The following PRKAR1B variants were observed in gnomAD, a reference collection of about 807,000 sequenced individuals.
The protein encoded by PRKAR1B is protein kinase cAMP-dependent type I regulatory subunit beta, also known as cAMP-dependent protein kinase type I-beta regulatory subunit.
A neutral mutation model predicts 46.5 loss-of-function variants in PRKAR1B; 22 were observed. The ratio of observed to expected loss-of-function variants is 0.47; its 90% confidence interval spans 0.34 to 0.68. The LOEUF (loss-of-function observed/expected upper bound fraction) is 0.68. Among genes scored for constraint, PRKAR1B ranks in the 30% least tolerant of loss-of-function variants. The probability of loss-of-function intolerance (pLI) is 0.01; values close to 1 mark genes in which losing one functional copy is unlikely to be tolerated. For missense variants in PRKAR1B, 445 were observed against 535.6 expected (o/e 0.83, Z 1.67); for synonymous variants, 259 against 217.7 (o/e 1.19, Z -1.67).
At chr7:578,842 CG>C in intron 9 of PRKAR1B, 1 of 294,664 alleles carries the variant, frequency 3.4e-6, no homozygotes, top group Non-Finnish European at 6.2e-6. Context: ...CCACCACACC[CG>C]GCAAATTTTT....
At chr7:661,374 A>G (rs1377751966) in intron 4 of PRKAR1B, among the ~76,000 whole-genome samples, 1 of 50,798 alleles carries the variant, frequency 2.0e-5, no homozygotes, top group East Asian at 6.8e-4. Context: ...ACAGGTCCCC[A>G]CCCCAACAGA....
intron 4 of PRKAR1B, among the ~76,000 whole-genome samples, chr7:663,722 C>G (rs1785746601): frequency 1.3e-5 from 2 of 152,134 alleles, no homozygotes; most frequent in Non-Finnish European, 2.9e-5. Flanking sequence ...GTCAGATCCT[C>G]ACCTGGAACT....
chr7:575,937 C>T (rs1010964253), intron 9 of PRKAR1B, among the ~76,000 whole-genome samples: 1 of 152,118 alleles, frequency 6.6e-6, no homozygotes. Context: ...TGCTCACGGG[C>T]GAACATGACG....
chr7:700,954 G>A lies in PRKAR1B; in HGVS notation c.177+10375C>T, dbSNP rs892247278. ...TGTAATCCCAGCACTTTGGGAGGCCGAGGTGGATGGATCACCTCAGGTCAG... is the reference window on the plus strand; with the variant it reads ...TGTAATCCCAGCACTTTGGGAGGCCAAGGTGGATGGATCACCTCAGGTCAG... On this transcript the variant is annotated intron_variant, in intron 2 of 10. Transcript: ENST00000537384. Among the ~76,000 whole-genome samples the A allele has an allele frequency of 1.2e-4, 18 of 152,216 alleles. No individual in the cohort carries two copies. The East Asian group carries it at 2.7e-3, about 23-fold the overall frequency.
intron 8 of PRKAR1B, among the ~76,000 whole-genome samples, chr7:583,534 C>CACACG (rs1780384138): frequency 1.5e-5 from 2 of 132,896 alleles, no homozygotes; most frequent in Middle Eastern, 3.8e-3. Flanking sequence ...CACACACCCA[C>CACACG]TCACACACGT....
chr7:715,141 A>G (rs1780828404), intron 1 of PRKAR1B, among the ~76,000 whole-genome samples: 1 of 152,210 alleles, frequency 6.6e-6, no homozygotes. Flanking sequence ...ACTGCACTCC[A>G]GCCTGGGCAG....
chr7:691,413 G>A, intron 2 of PRKAR1B: 2 of 1,037,674 alleles, frequency 1.9e-6, no homozygotes, highest in Non-Finnish European at 2.7e-6. Flanking sequence ...TGGTCAGGAG[G>A]GGTGCAGGAG....
intron 2 of PRKAR1B, among the ~76,000 whole-genome samples, chr7:685,547 C>T (rs900061792): frequency 9.3e-5 from 14 of 151,116 alleles, no homozygotes; most frequent in Admixed American, 6.6e-5. Flanking sequence ...ACAGAGCCCA[C>T]AAGATTTTCA....
intron 2 of PRKAR1B, among the ~76,000 whole-genome samples, chr7:687,717 CA>C (rs1779166629): frequency 6.6e-6 from 1 of 152,188 alleles, no homozygotes; most frequent in Non-Finnish European, 1.5e-5. Flanking sequence ...AACAAGAACA[CA>C]AACTCCCACA....
chr7:693,790 C>T (rs1341533274), intron 2 of PRKAR1B, among the ~76,000 whole-genome samples: 1 of 152,162 alleles, frequency 6.6e-6, no homozygotes, highest in African/African-American at 2.4e-5. Context: ...GTCCTGTGGT[C>T]ACTGCATGTT....
intron 2 of PRKAR1B, among the ~76,000 whole-genome samples, chr7:690,253 G>A (rs2128515163): frequency 6.6e-6 from 1 of 151,706 alleles, no homozygotes; most frequent in African/African-American, 2.4e-5. Flanking sequence ...CTGAGATCAT[G>A]CTATTGCACT....
At chr7:597,522 C>A (rs183883969) in intron 6 of PRKAR1B, among the ~76,000 whole-genome samples, 25 of 152,336 alleles carry the variant, frequency 1.6e-4, no homozygotes, top group African/African-American at 6.0e-4. Context: ...CAGCTTCCCC[C>A]CAGTGATCCC....
chr7:716,125 G>A (rs1382658203), intron 1 of PRKAR1B, among the ~76,000 whole-genome samples: 1 of 151,748 alleles, frequency 6.6e-6, no homozygotes, highest in Non-Finnish European at 1.5e-5. Flanking sequence ...ATAGCTCACT[G>A]CAGCCTCAAA....
chr7:711,554 G>C (rs374086667), intron 1 of PRKAR1B, 27 bp from the exon 2 acceptor site: 1 of 1,597,520 alleles, frequency 6.3e-7, no homozygotes, highest in Non-Finnish European at 8.6e-7. Flanking sequence ...CAGATCCCCA[G>C]GCCTGAGAGC....
In PRKAR1B at chr7:596,313, A is replaced by G. The variant is rs758092171; in HGVS notation, c.550-9T>C. On this transcript the variant is annotated splice_polypyrimidine_tract_variant and intron_variant, in intron 6 of 10. Transcript: ENST00000537384. The stretch of plus-strand genomic sequence containing the variant: ...TCTCCGTTCACGTACACCTTTGGGG[A>G]GCAAGAGAGAGAAGTGTCACGGGGG... The G allele has an allele frequency of 4.4e-6, 7 of 1,600,264 alleles. No individual in the cohort carries two copies. The highest frequency in any genetic ancestry group is 6.0e-6 in the Non-Finnish European group (7 of 1,169,664).
At chr7:553,290 T>C (rs941641348) in intron 9 of PRKAR1B, among the ~76,000 whole-genome samples, 2 of 152,174 alleles carry the variant, frequency 1.3e-5, no homozygotes, top group Non-Finnish European at 1.5e-5. Flanking sequence ...CAGGTGTTGA[T>C]GAATGTAGCT....
intron 4 of PRKAR1B, among the ~76,000 whole-genome samples, chr7:650,335 A>C (rs923884527): frequency 6.6e-6 from 1 of 151,894 alleles, no homozygotes; most frequent in Non-Finnish European, 1.5e-5. Flanking sequence ...CCTGCTGGAA[A>C]ACCACAGCCC....
chr7:640,765 AACACACACACAC>A (rs71546454), intron 4 of PRKAR1B, among the ~76,000 whole-genome samples: 4 of 108,084 alleles, frequency 3.7e-5, no homozygotes, highest in Admixed American at 2.9e-4. Context: ...CTCTGTCTCA[AACACACACACAC>A]ACACACACAC....
At chr7:623,960 C>T (rs537743203) in intron 4 of PRKAR1B, among the ~76,000 whole-genome samples, 2 of 152,228 alleles carry the variant, frequency 1.3e-5, no homozygotes, top group African/African-American at 4.8e-5. Context: ...TCCTTCTGTA[C>T]ATTCTTGGGC....
Sources: gnomAD v4.1 joint callset for allele counts (sites outside exome capture counted in the v4.1 genomes callset) on GRCh38, gnomAD v4.1.1 for gene constraint, MANE v1.5 for transcripts, NCBI Gene and HGNC (gene_info 2026-07-23, HGNC 2026-07-21) for gene names.